MIOS: variants seen among roughly 807,000 people sequenced by gnomAD.
The protein encoded by MIOS is meiosis regulator for oocyte development.
MIOS carries 52 observed loss-of-function variants against 96.9 expected under a neutral mutation model. The observed-to-expected ratio is 0.54, with a 90% CI of 0.43 to 0.68. MIOS has a LOEUF of 0.68. Among genes scored for constraint, MIOS ranks in the 30% least tolerant of loss-of-function variants. The probability of loss-of-function intolerance (pLI) is 0.00; values close to 1 mark genes in which losing one functional copy is unlikely to be tolerated. For synonymous variants in MIOS, 397 were observed against 359.5 expected, an observed-to-expected ratio of 1.10 and a Z score of -1.18; for missense variants, 1,005 against 1,052.8, an observed-to-expected ratio of 0.95 and a Z score of 0.63.
At chr7:7,575,029 G>A (rs1000988021) in intron 5 of MIOS, among the ~76,000 whole-genome samples, 1 of 152,070 alleles carries the variant, frequency 6.6e-6, no homozygotes, top group Non-Finnish European at 1.5e-5. Context: ...CACTTAGAAA[G>A]TTTCAGATTT....
intron 5 of MIOS, among the ~76,000 whole-genome samples, chr7:7,576,498 C>T (rs918396929): frequency 1.3e-5 from 2 of 152,114 alleles, no homozygotes; most frequent in Non-Finnish European, 2.9e-5. Context: ...AGACAAGGTC[C>T]AGACAGGGAG....
chr7:7,591,244 A>G (rs1784040040), intron 9 of MIOS, among the ~76,000 whole-genome samples: 1 of 149,974 alleles, frequency 6.7e-6, no homozygotes, highest in Admixed American at 6.6e-5. Context: ...TCTGATGAGA[A>G]TCAGCTGTTC....
chr7:7,585,892 C>T (rs890914499), intron 7 of MIOS, 87 bp downstream of exon 7: 4 of 1,187,600 alleles, frequency 3.4e-6, no homozygotes, highest in Non-Finnish European at 4.6e-6. Context: ...ATGTCTGTTG[C>T]ATAAAATATT....
intron 5 of MIOS, among the ~76,000 whole-genome samples, chr7:7,580,736 A>T (rs1295106275): frequency 7.2e-6 from 1 of 138,916 alleles, no homozygotes; most frequent in Non-Finnish European, 1.5e-5. Flanking sequence ...TCACTCTGTC[A>T]CCCAGGCTGG....
At chr7:7,582,869 A>T in intron 5 of MIOS, 1 of 397,398 alleles carries the variant, frequency 2.5e-6, no homozygotes, top group Admixed American at 4.4e-5. Context: ...GTGGCCAGGC[A>T]GTAACTCAGT....
At chr7:7,584,734 A>T (rs1783832360) in intron 6 of MIOS, among the ~76,000 whole-genome samples, 1 of 152,170 alleles carries the variant, frequency 6.6e-6, no homozygotes, top group African/African-American at 2.4e-5. Context: ...AAACTTATAT[A>T]ATAAGTGTAG....
intron 11 of MIOS, among the ~76,000 whole-genome samples, chr7:7,597,666 A>T (rs77127391): frequency 0.1 from 15,307 of 150,786 alleles, 861 homozygotes; most frequent in Middle Eastern, 0.23. Context: ...ATATATACAT[A>T]TACACACACA....
At position 7,584,642 on chromosome 7, in the gene MIOS, A is replaced by G. The variant is rs1279020639; in HGVS notation, c.1649-994A>G. On this transcript the variant is annotated intron_variant, in intron 6 of 12. Transcript: ENST00000340080. Reference sequence around the variant, plus strand: ...AGTGTTTATAGAAATGAGGAATATAAAGCTGTTAAGAACATAAAGTGGGAA... The same window carrying G: ...AGTGTTTATAGAAATGAGGAATATAGAGCTGTTAAGAACATAAAGTGGGAA... 2.0e-5 allele frequency among the ~76,000 whole-genome samples: 3 copies of G among 152,168 alleles called. 1 individual carries two copies. The highest frequency in any genetic ancestry group is 4.4e-5 in the Non-Finnish European group (3 of 67,992).
intron 5 of MIOS, among the ~76,000 whole-genome samples, chr7:7,574,893 T>G (rs1157817662): frequency 1.3e-5 from 2 of 152,116 alleles, no homozygotes; most frequent in Non-Finnish European, 2.9e-5. Flanking sequence ...CAAAATGGCT[T>G]GGGACCAAAA....
Position 7,573,831 on chromosome 7 carries a change from A to G in MIOS, c.1294+62A>G. The G allele has an allele frequency of 1.4e-6, 2 of 1,426,404 alleles. No individual in the cohort carries two copies. Among genetic ancestry groups the G allele is most frequent in the Non-Finnish European group, 1.9e-6 (2 of 1,054,310 alleles). The allele number at this position is 1,426,404 out of a possible 1,614,324, so 88.4% of individuals were successfully genotyped here. On this transcript the variant is annotated intron_variant, in intron 4 of 12. Coordinates refer to ENST00000340080, the MANE Select transcript of MIOS (RefSeq NM_019005.4). The surrounding 1 kb of genome is among the most constrained non-coding windows in gnomAD (Gnocchi z 5.0). Reference sequence around the variant, plus strand: ...GGTAGAAATGTTCTTGAAGTTTGCCAAAAGGTCAGTCTGTAAATATGCTCA... The same window carrying G: ...GGTAGAAATGTTCTTGAAGTTTGCCGAAAGGTCAGTCTGTAAATATGCTCA...
intron 11 of MIOS, among the ~76,000 whole-genome samples, chr7:7,597,007 C>G (rs906851679): frequency 6.6e-6 from 1 of 152,010 alleles, no homozygotes; most frequent in Non-Finnish European, 1.5e-5. Context: ...CCAGCCTGAG[C>G]AAAATAGTGA....
chr7:7,575,588 C>T (rs1429729958), intron 5 of MIOS, among the ~76,000 whole-genome samples: 1 of 152,100 alleles, frequency 6.6e-6, no homozygotes, highest in East Asian at 1.9e-4. Context: ...AAGAATTAAA[C>T]ACCAAGTTTA....
intron 11 of MIOS, 77 bp downstream of exon 11, chr7:7,596,538 T>C: frequency 1.5e-6 from 2 of 1,349,252 alleles, no homozygotes; most frequent in Non-Finnish European, 2.1e-6. Context: ...GCAAATAAAA[T>C]ACAAACTAGC....
At position 7,608,046 on chromosome 7, in the gene MIOS, G is replaced by C. The variant is rs1043438877; in HGVS notation, c.*954G>C. On this transcript the variant is annotated 3_prime_UTR_variant, in exon 13 of 13. Transcript: ENST00000340080. The stretch of plus-strand genomic sequence containing the variant: ...GTCCTGATTTGGAATACCATACCTT[G>C]TTCTTTCCAAGGTAGACTAGGAAGT... 1.3e-5 allele frequency: 2 copies of C among 152,068 alleles called. No individual in the cohort carries two copies. Among genetic ancestry groups the C allele is most frequent in the Non-Finnish European group, 2.9e-5 (2 of 67,986 alleles). 9.4% of individuals were successfully genotyped at this position (152,068 alleles called of 1,614,324 possible).
chr7:7,586,694 A>G (rs1170498295), intron 7 of MIOS, among the ~76,000 whole-genome samples: 2 of 152,198 alleles, frequency 1.3e-5, no homozygotes, highest in Non-Finnish European at 2.9e-5. Flanking sequence ...TTTGCACTTT[A>G]TGTACTTTAT....
intron 3 of MIOS, among the ~76,000 whole-genome samples, chr7:7,570,084 A>T (rs1241232607): frequency 6.6e-6 from 1 of 152,238 alleles, no homozygotes; most frequent in Non-Finnish European, 1.5e-5. Flanking sequence ...CTGGTATTCT[A>T]TAAAGCAAAA....
At position 7,606,052 on chromosome 7, in the gene MIOS, C is replaced by T; in HGVS notation, c.2512C>T (p.His838Tyr). The T allele has an allele frequency of 6.2e-7, 1 of 1,613,838 alleles. No homozygotes were observed. The highest frequency in any genetic ancestry group is 8.5e-7 in the Non-Finnish European group (1 of 1,179,804). ...HNCRHGGHAG[H>Y]MLSWFRDHAE... is the part of the protein sequence containing the mutation. ...TTGCAGGCACGGTGGACATGCTGGA[C>T]ATATGCTTAGTTGGTTCAGGTAATC... The change falls in exon 12 of 13, where the codon CAT (histidine) becomes TAT (tyrosine). Residue 838 changes from histidine (H) to tyrosine (Y), a missense_variant. Physicochemically the swap from His to Tyr is moderately conservative, Grantham distance 83. Around this residue, in one of 3 missense-constraint regions of MIOS, gnomAD observed 865 missense variants for 887.9 expected, o/e 0.97. Transcript: ENST00000340080.
intron 5 of MIOS, among the ~76,000 whole-genome samples, chr7:7,579,154 A>T (rs915356254): frequency 2.0e-5 from 3 of 152,224 alleles, no homozygotes; most frequent in Non-Finnish European, 4.4e-5. Context: ...GCATAAATAT[A>T]TTTTACTTCG....
intron 7 of MIOS, among the ~76,000 whole-genome samples, chr7:7,586,215 C>T (rs180969476): frequency 2.2e-3 from 334 of 151,358 alleles, no homozygotes; most frequent in African/African-American, 7.5e-3. Context: ...AAACAACTCA[C>T]GATTATTGAT....
Sources: allele counts gnomAD v4.1 joint callset (sites outside exome capture counted in the v4.1 genomes callset), GRCh38; gene constraint gnomAD v4.1.1; regional missense constraint gnomAD v4.1.1; non-coding constraint Gnocchi (gnomAD v3.1); transcripts MANE v1.5; gene names NCBI Gene and HGNC (gene_info 2026-07-23, HGNC 2026-07-21).